The following KLHL24 variants were observed in gnomAD, a reference collection of about 807,000 sequenced individuals.
KLHL24 encodes the protein kelch-like protein 24.
Under a neutral mutation model 53.4 loss-of-function variants are expected in KLHL24, and 29 were observed. That is an observed-to-expected ratio of 0.54 (90% CI 0.40 to 0.74). KLHL24 has a LOEUF of 0.74. Among genes scored for constraint, KLHL24 ranks in the 30% least tolerant of loss-of-function variants. KLHL24 has a pLI of 0.00. For missense variants in KLHL24, 504 were observed against 744.0 expected, an observed-to-expected ratio of 0.68 and a Z score of 3.75; for synonymous variants, 222 against 253.7, an observed-to-expected ratio of 0.88 and a Z score of 1.19.
rs371312389 is a variant in KLHL24 at position 183,684,107 on chromosome 3, T to C, written c.*4821T>C. ...TATACTTATTTTTGTTCCATACTTA[T>C]GTACAATTTTTTCCCTCTTCAGGCT... is the stretch of plus-strand genomic sequence containing the variant. On this transcript the variant is annotated 3_prime_UTR_variant, in exon 8 of 8. Coordinates refer to ENST00000242810, the MANE Select transcript of KLHL24 (RefSeq NM_017644.3). The C allele has an allele frequency of 2.6e-5, 4 of 151,412 alleles. No homozygotes were observed. Among genetic ancestry groups the C allele is most frequent in the African/African-American group, 7.4e-5 (3 of 40,740 alleles). 9.4% of individuals were successfully genotyped at this position (151,412 alleles called of 1,614,324 possible).
chr3:183,647,786 T>A (rs1002482279), intron 2 of KLHL24, among the ~76,000 whole-genome samples: 26 of 152,140 alleles, frequency 1.7e-4, no homozygotes, highest in Non-Finnish European at 2.9e-5. Flanking sequence ...GGAGAATTGC[T>A]TGAGCTCAGG....
chr3:183,650,816 G>A lies in KLHL24; in HGVS notation c.460G>A (p.Ala154Thr). 6.2e-7 allele frequency: 1 copy of A among 1,614,012 alleles called. No homozygotes were observed. The highest frequency in any genetic ancestry group is 8.5e-7 in the Non-Finnish European group (1 of 1,179,966). ...SLFQISVLRD[A>T]CAKFLEEQLD... is the part of the protein sequence containing the mutation. Reference sequence around the variant, plus strand: ...CTTTCAGATTAGTGTTCTCCGTGATGCATGTGCCAAGTTCTTGGAGGAGCA... The same window carrying A: ...CTTTCAGATTAGTGTTCTCCGTGATACATGTGCCAAGTTCTTGGAGGAGCA... Residue 154 changes from alanine to threonine, a missense_variant, in exon 3 of 8, where the codon GCA (alanine) becomes ACA (threonine). Ala to Thr is a moderately conservative substitution (Grantham distance 58). Transcript: ENST00000242810. This position sits in a 1 kb window ranked among gnomAD's most constrained non-coding sequence, Gnocchi z 4.5.
At chr3:183,667,896 G>A (rs1168690092) in intron 5 of KLHL24, among the ~76,000 whole-genome samples, 1 of 151,412 alleles carries the variant, frequency 6.6e-6, no homozygotes, top group Non-Finnish European at 1.5e-5. Flanking sequence ...TATTTTTTGT[G>A]GAGATAATGT....
At chr3:183,671,327 T>TA in intron 6 of KLHL24, 105 bp downstream of exon 6, 2 of 973,332 alleles carry the variant, frequency 2.1e-6, no homozygotes, top group Admixed American at 2.7e-5. Flanking sequence ...AGGGGTCTTT[T>TA]AAAAATTTTC....
chr3:183,655,183 T>C (rs1718673464), intron 3 of KLHL24, among the ~76,000 whole-genome samples: 2 of 152,226 alleles, frequency 1.3e-5, no homozygotes, highest in Admixed American at 1.3e-4. Flanking sequence ...ATGCATTATA[T>C]TAAAAACAGT....
chr3:183,669,533 G>A lies in KLHL24; in HGVS notation c.1225-1501G>A, dbSNP rs73884591. On this transcript the variant is annotated intron_variant, in intron 5 of 7. Coordinates refer to ENST00000242810, the MANE Select transcript of KLHL24 (RefSeq NM_017644.3). ...TTTGTAAGTTACTTAACCTGTCTGAGCTGCATAGTGTTGGGGACACAAACT... is the reference window on the plus strand; with the variant it reads ...TTTGTAAGTTACTTAACCTGTCTGAACTGCATAGTGTTGGGGACACAAACT... Among the ~76,000 whole-genome samples the A allele has an allele frequency of 8.6e-3, 1,307 of 152,178 alleles. 18 individuals are homozygous for A. Among genetic ancestry groups the A allele is most frequent in the African/African-American group, 0.03 (1,260 of 41,484 alleles).
At chr3:183,678,674 C>G (rs993530084) in intron 7 of KLHL24, among the ~76,000 whole-genome samples, 9 of 152,154 alleles carry the variant, frequency 5.9e-5, no homozygotes. Flanking sequence ...TCCCCCAACT[C>G]TGCACCTTCT....
Position 183,651,168 on chromosome 3 carries a change from T to G in KLHL24, c.812T>G (p.Val271Gly). 1 of 1,614,144 alleles carries G rather than the reference T, an allele frequency of 6.2e-7. No homozygotes were observed. The highest frequency in any genetic ancestry group is 2.2e-5 in the East Asian group (1 of 44,888). The change falls in exon 3 of 8, where the codon GTG becomes GGG. Residue 271 changes from valine to glycine, a missense_variant. By Grantham distance (109) the Val-to-Gly change is moderately radical (BLOSUM62 -3). Transcript: ENST00000242810. ...HPNYFVQTVE[V>G]DQLIQNSPEC... Reference sequence around the variant, plus strand: ...AACTACTTTGTTCAAACAGTTGAAGTGGACCAATTGATCCAGAATTCTCCT... The same window carrying G: ...AACTACTTTGTTCAAACAGTTGAAGGGGACCAATTGATCCAGAATTCTCCT...
In KLHL24 at chr3:183,684,329, T is replaced by A. The variant is rs1038269260; in HGVS notation, c.*5043T>A. The stretch of plus-strand genomic sequence containing the variant: ...TTGCTTTCAATTAGAGGCTCCAGAG[T>A]CTTCATAGTGGAAAGAATGCTTTGT... On this transcript the variant is annotated 3_prime_UTR_variant, in exon 8 of 8. Coordinates refer to ENST00000242810, the MANE Select transcript of KLHL24 (RefSeq NM_017644.3). 2 of 152,596 alleles carry A rather than the reference T, an allele frequency of 1.3e-5. No individual in the cohort carries two copies. Among genetic ancestry groups the A allele is most frequent in the Non-Finnish European group, 2.9e-5 (2 of 68,032 alleles). The allele number at this position is 152,596 out of a possible 1,614,324, so 9.5% of individuals were successfully genotyped here. A position where few individuals can be genotyped will look rare whatever the true frequency, so the allele number is the denominator to read the frequency against.
intron 5 of KLHL24, among the ~76,000 whole-genome samples, chr3:183,669,916 C>G (rs1466506253): frequency 6.6e-6 from 1 of 152,072 alleles, no homozygotes; most frequent in Admixed American, 6.6e-5. Flanking sequence ...AGTTAATTAG[C>G]TATGGAGGGA....
intron 3 of KLHL24, among the ~76,000 whole-genome samples, chr3:183,660,611 T>C (rs1214201354): frequency 2.0e-5 from 3 of 152,188 alleles, no homozygotes; most frequent in Non-Finnish European, 4.4e-5. Context: ...GATTAGTTTC[T>C]GATGATAAAT....
chr3:183,671,554 G>A (rs1721329228), intron 6 of KLHL24, among the ~76,000 whole-genome samples: 1 of 152,156 alleles, frequency 6.6e-6, no homozygotes, highest in Admixed American at 6.5e-5. Flanking sequence ...AAGTGAATTA[G>A]CAAAGGGTAA....
In KLHL24 at chr3:183,639,454, C is replaced by A. The variant is rs1049379357; in HGVS notation, c.-125+3661C>A. 4.6e-5 allele frequency among the ~76,000 whole-genome samples: 7 copies of A among 151,540 alleles called. No homozygotes were observed. In the East Asian group the frequency reaches 1.2e-3, roughly 26 times the overall value. ...GACCATCCTGGCTAACACGGAGAAA[C>A]CCCGTCTCTACTAAAAATACAAAAA... On this transcript the variant is annotated intron_variant, in intron 1 of 7. Coordinates refer to ENST00000242810, the MANE Select transcript of KLHL24 (RefSeq NM_017644.3).
At chr3:183,678,192 C>T (rs1263390797) in intron 7 of KLHL24, among the ~76,000 whole-genome samples, 7 of 152,236 alleles carry the variant, frequency 4.6e-5, no homozygotes, top group African/African-American at 1.7e-4. Context: ...AGCTTAGAAT[C>T]CCATTGTGTG....
rs1049241053 is a variant in KLHL24 at position 183,681,211 on chromosome 3, A to G, written c.*1925A>G. 2 of 152,190 alleles carry G rather than the reference A, an allele frequency of 1.3e-5. No individual in the cohort carries two copies. The highest frequency in any genetic ancestry group is 6.5e-5 in the Admixed American group (1 of 15,270). 9.4% of individuals were successfully genotyped at this position (152,190 alleles called of 1,614,324 possible). ...CTTTAATTTTAGAGTAAACATCTGC[A>G]TTATACTCTTATAGATAATAGAATT... On this transcript the variant is annotated 3_prime_UTR_variant, in exon 8 of 8. Coordinates refer to ENST00000242810, the MANE Select transcript of KLHL24 (RefSeq NM_017644.3).
At chr3:183,646,110 A>G (rs1355607561) in intron 2 of KLHL24, among the ~76,000 whole-genome samples, 1 of 151,452 alleles carries the variant, frequency 6.6e-6, no homozygotes, top group African/African-American at 2.4e-5. Flanking sequence ...TATGCCTGTA[A>G]TCCCAGCACT....
Position 183,663,390 on chromosome 3 carries a change from A to G in KLHL24, c.921-68A>G. On this transcript the variant is annotated intron_variant, in intron 3 of 7. Transcript: ENST00000242810. This position sits in a 1 kb window ranked among gnomAD's most constrained non-coding sequence, Gnocchi z 4.9. ...TGGTTTGTTTTTAGAGTTTTAAGAAAAAATCTGGAGTATATTTTAATGTAA... is the reference window on the plus strand; with the variant it reads ...TGGTTTGTTTTTAGAGTTTTAAGAAGAAATCTGGAGTATATTTTAATGTAA... The G allele has an allele frequency of 1.2e-6, 1 of 863,206 alleles. No homozygotes were observed. Among genetic ancestry groups the G allele is most frequent in the Non-Finnish European group, 1.6e-6 (1 of 616,158 alleles). 53.5% of individuals were successfully genotyped at this position (863,206 alleles called of 1,614,324 possible).
chr3:183,669,308 C>T (rs1010953199), intron 5 of KLHL24, among the ~76,000 whole-genome samples: 9 of 151,846 alleles, frequency 5.9e-5, no homozygotes, highest in South Asian at 2.1e-4. Context: ...GCTGAGATCA[C>T]GCCATTGCAC....
Position 183,667,085 on chromosome 3 carries a change from C to CTAGT in KLHL24, c.1224+2047_1224+2050dup, listed in dbSNP as rs1190844385. On this transcript the variant is annotated intron_variant, in intron 5 of 7. Coordinates refer to ENST00000242810, the MANE Select transcript of KLHL24 (RefSeq NM_017644.3). ...GGAACCCTTCTTGGTCAGCCTCTTA[C>CTAGT]TAGTCCTCCTTCCTCTCTTTCCCCA... is the stretch of plus-strand genomic sequence containing the variant. Among the ~76,000 whole-genome samples the CTAGT allele has an allele frequency of 3.3e-5, 5 of 152,202 alleles. No individual in the cohort carries two copies. In the East Asian group the frequency reaches 9.7e-4, roughly 29 times the overall value.
Sources: allele counts gnomAD v4.1 joint callset (sites outside exome capture counted in the v4.1 genomes callset), GRCh38; gene constraint gnomAD v4.1.1; non-coding constraint Gnocchi (gnomAD v3.1); transcripts MANE v1.5; gene names NCBI Gene and HGNC (gene_info 2026-07-23, HGNC 2026-07-21).